GALNT2: variants seen among roughly 807,000 people sequenced by gnomAD.
GALNT2 encodes polypeptide N-acetylgalactosaminyltransferase 2.
In GALNT2, 31 loss-of-function variants were observed where a neutral mutation model predicts 81.4. That is an observed-to-expected ratio of 0.38 (90% CI 0.29 to 0.51). GALNT2 has a LOEUF of 0.51. Among genes scored for constraint, GALNT2 ranks in the 20% least tolerant of loss-of-function variants. GALNT2 has a pLI of 0.87. For missense variants in GALNT2, 629 were observed against 765.7 expected (o/e 0.82, Z 2.11); for synonymous variants, 303 against 287.4 (o/e 1.05, Z -0.55).
intron 1 of GALNT2, among the ~76,000 whole-genome samples, chr1:230,107,430 A>G (rs1660573528): frequency 2.0e-5 from 3 of 152,066 alleles, no homozygotes; most frequent in African/African-American, 7.2e-5. Flanking sequence ...CAAACCAACA[A>G]TTAGCCAAGT....
At chr1:230,201,674 C>T (rs889947304) in intron 2 of GALNT2, among the ~76,000 whole-genome samples, 2 of 152,198 alleles carry the variant, frequency 1.3e-5, no homozygotes, top group African/African-American at 4.8e-5. Context: ...GCCGGCAGCC[C>T]TGCCTTCCCC....
Position 230,279,632 on chromosome 1 carries a change from G to T in GALNT2, c.*174G>T, listed in dbSNP as rs1026534486. On this transcript the variant is annotated 3_prime_UTR_variant, in exon 16 of 16. Transcript: ENST00000366672. The surrounding 1 kb of genome is among the most constrained non-coding windows in gnomAD (Gnocchi z 4.6). ...CGGACGACTGTGCAGACACAGCAGC[G>T]GCAAGAAGCGAGAACTGCCCTCCCC... 1 of 800,460 alleles carries T rather than the reference G, an allele frequency of 1.2e-6. No individual in the cohort carries two copies. The highest frequency in any genetic ancestry group is 2.8e-5 in the East Asian group (1 of 36,220). 49.6% of individuals were successfully genotyped at this position (800,460 alleles called of 1,614,324 possible).
chr1:230,205,961 C>T (rs987608789), intron 3 of GALNT2, among the ~76,000 whole-genome samples: 7 of 152,160 alleles, frequency 4.6e-5, no homozygotes, highest in Admixed American at 3.9e-4. Context: ...GACCAGAAAG[C>T]GTCCGTGTAG....
chr1:230,099,098 C>G (rs1660330152), intron 1 of GALNT2, among the ~76,000 whole-genome samples: 1 of 152,202 alleles, frequency 6.6e-6, no homozygotes, highest in African/African-American at 2.4e-5. Flanking sequence ...GAGGAGTTGG[C>G]CCTCCCTAGT....
At chr1:230,252,514 C>T (rs1665578994) in intron 10 of GALNT2, among the ~76,000 whole-genome samples, 1 of 152,160 alleles carries the variant, frequency 6.6e-6, no homozygotes, top group Admixed American at 6.5e-5. Flanking sequence ...TCTGTTTGTG[C>T]TTTCTTAACG....
intron 3 of GALNT2, among the ~76,000 whole-genome samples, chr1:230,233,353 G>A (rs951229081): frequency 1.3e-5 from 2 of 152,170 alleles, no homozygotes; most frequent in Admixed American, 6.5e-5. Context: ...AGTGGCTCAC[G>A]CCTGTAATCC....
chr1:230,227,463 A>ATAT (rs2102728356), intron 3 of GALNT2, among the ~76,000 whole-genome samples: 1 of 149,582 alleles, frequency 6.7e-6, no homozygotes, highest in Non-Finnish European at 1.5e-5. Flanking sequence ...TAATACAGCT[A>ATAT]TATATATATA....
rs199851711 is a variant in GALNT2 at position 230,266,034 on chromosome 1, T to TA, written c.1440+677dup. Among the ~76,000 whole-genome samples the TA allele has an allele frequency of 3.5e-3, 527 of 149,324 alleles. 2 individuals are homozygous for TA. The highest frequency in any genetic ancestry group is 0.012 in the African/African-American group (497 of 40,700). ...TGGTGAAACCCATCTCTGCTAAAAATAAAAAAAAAATTAGCCAAGCGTGGT... is the reference window on the plus strand; with the variant it reads ...TGGTGAAACCCATCTCTGCTAAAAATAAAAAAAAAAATTAGCCAAGCGTGGT... On this transcript the variant is annotated intron_variant, in intron 14 of 15. Transcript: ENST00000366672.
chr1:230,144,436 T>A (rs1359945158), intron 1 of GALNT2, among the ~76,000 whole-genome samples: 1 of 152,102 alleles, frequency 6.6e-6, no homozygotes, highest in African/African-American at 2.4e-5. Flanking sequence ...AAGCTCAGAG[T>A]AGCCGGTGCC....
intron 2 of GALNT2, among the ~76,000 whole-genome samples, chr1:230,183,478 A>G (rs746585271): frequency 6.6e-6 from 1 of 152,190 alleles, no homozygotes; most frequent in African/African-American, 2.4e-5. Flanking sequence ...CTTCTTTCAG[A>G]TAACACTATA....
Position 230,080,215 on chromosome 1 carries a change from G to A in GALNT2, c.126+12809G>A, listed in dbSNP as rs115930103. Among the ~76,000 whole-genome samples the A allele has an allele frequency of 9.1e-3, 1,381 of 152,238 alleles. 9 individuals are homozygous for A. Among genetic ancestry groups the A allele is most frequent in the Non-Finnish European group, 0.013 (896 of 68,018 alleles). The stretch of plus-strand genomic sequence containing the variant: ...TTTTATTCCAGTGTTGCAAAGCGCC[G>A]ACATCATTATCAAATGTGCCATAGT... On this transcript the variant is annotated intron_variant, in intron 1 of 15. Transcript: ENST00000366672.
intron 2 of GALNT2, among the ~76,000 whole-genome samples, chr1:230,182,316 T>TA (rs1663186006): frequency 6.6e-6 from 1 of 152,222 alleles, no homozygotes; most frequent in Non-Finnish European, 1.5e-5. Flanking sequence ...AGTAGAATCT[T>TA]AGATGATTGC....
chr1:230,060,960 T>C (rs936952950), intron 1 of GALNT2, among the ~76,000 whole-genome samples: 3 of 152,096 alleles, frequency 2.0e-5, no homozygotes, highest in African/African-American at 7.2e-5. Context: ...CCTTCCTTAC[T>C]TTCTAGTACA....
At chr1:230,118,906 C>T (rs1660931011) in intron 1 of GALNT2, among the ~76,000 whole-genome samples, 1 of 152,200 alleles carries the variant, frequency 6.6e-6, no homozygotes, top group Non-Finnish European at 1.5e-5. Context: ...CTGCCTTTAT[C>T]CGATCAGCCT....
intron 1 of GALNT2, among the ~76,000 whole-genome samples, chr1:230,125,587 T>A (rs1661148947): frequency 6.6e-6 from 1 of 152,228 alleles, no homozygotes; most frequent in Non-Finnish European, 1.5e-5. Context: ...AATCTGAAGT[T>A]GTACAAAGGG....
In GALNT2 at chr1:230,279,311, A is replaced by G. The variant is rs757005652; in HGVS notation, c.1569A>G (p.Glu523=). ...CRENDSRQKW[E]QIEGNSKLRH... is the part of the protein sequence containing the mutation. Reference sequence around the variant, plus strand: ...TCTCCTGTGTCTTGCAGAAATGGGAACAGATCGAGGGCAACTCCAAGCTGA... The same window carrying G: ...TCTCCTGTGTCTTGCAGAAATGGGAGCAGATCGAGGGCAACTCCAAGCTGA... The change falls in exon 16 of 16, where the codon GAA becomes GAG. Residue 523 remains glutamate (E), a synonymous_variant. Transcript: ENST00000366672. This position sits in a 1 kb window ranked among gnomAD's most constrained non-coding sequence, Gnocchi z 4.6. The G allele has an allele frequency of 2.5e-6, 4 of 1,613,844 alleles. No individual in the cohort carries two copies. The East Asian group carries it at 8.9e-5, about 36-fold the overall frequency.
upstream of GALNT2, among the ~76,000 whole-genome samples, chr1:230,064,548 T>C (rs1410531541): frequency 1.3e-5 from 2 of 152,048 alleles, no homozygotes; most frequent in Non-Finnish European, 2.9e-5. Flanking sequence ...TGTCATGGAG[T>C]CTCGCTCTGT....
At chr1:230,265,392 A>C (rs746828804) in intron 14 of GALNT2, 25 bp downstream of exon 14, 12 of 1,613,960 alleles carry the variant, frequency 7.4e-6, no homozygotes, top group Non-Finnish European at 9.3e-6. Context: ...AAGCCAGGTC[A>C]CCTGCAGGCC....
At chr1:230,066,155 C>T (rs1394255597), upstream of GALNT2, among the ~76,000 whole-genome samples, 1 of 152,158 alleles carries the variant, frequency 6.6e-6, no homozygotes, top group African/African-American at 2.4e-5. Context: ...TGGGTACGGA[C>T]TTATATCAGG....
Sources: allele counts gnomAD v4.1 joint callset (sites outside exome capture counted in the v4.1 genomes callset), GRCh38; gene constraint gnomAD v4.1.1; non-coding constraint Gnocchi (gnomAD v3.1); transcripts MANE v1.5; gene names NCBI Gene and HGNC (gene_info 2026-07-23, HGNC 2026-07-21).